Variants in DPH6 observed in about 807,000 individuals in gnomAD.
DPH6 encodes the protein diphthamine biosynthesis 6.
DPH6 carries 33 observed loss-of-function variants against 38.2 expected under a neutral mutation model. The observed-to-expected ratio is 0.86, with a 90% CI of 0.65 to 1.15. DPH6 has a LOEUF of 1.15. DPH6 is among the 50% of genes most tolerant of loss of function. DPH6 has a pLI of 0.00. For missense variants in DPH6, 325 were observed against 320.0 expected, an observed-to-expected ratio of 1.02 and a Z score of -0.12; for synonymous variants, 108 against 103.0, an observed-to-expected ratio of 1.05 and a Z score of -0.30.
At chr15:35,426,278 C>G (rs2053570177) in intron 5 of DPH6, among the ~76,000 whole-genome samples, 1 of 151,642 alleles carries the variant, frequency 6.6e-6, no homozygotes, top group Non-Finnish European at 1.5e-5. Flanking sequence ...ACAATTAACT[C>G]TACTTGAAAG....
intron 3 of DPH6, among the ~76,000 whole-genome samples, chr15:35,472,094 A>G (rs2054205824): frequency 6.6e-6 from 1 of 152,242 alleles, no homozygotes; most frequent in South Asian, 2.1e-4. Context: ...TATCTCTAAA[A>G]AATAGATAAA....
chr15:35,177,789 A>G, the DPH6 span, among the ~76,000 whole-genome samples: 1 of 151,864 alleles, frequency 6.6e-6, no homozygotes, highest in East Asian at 1.9e-4. Flanking sequence ...AAAAATACAA[A>G]AAATTAGCTG....
intron 3 of DPH6, among the ~76,000 whole-genome samples, chr15:35,527,132 A>C (rs1027427558): frequency 6.6e-6 from 1 of 152,126 alleles, no homozygotes; most frequent in Admixed American, 6.5e-5. Context: ...CACTCATCTC[A>C]ATGCCCACTT....
chr15:35,206,411 T>C, the DPH6 span, among the ~76,000 whole-genome samples: 2 of 152,138 alleles, frequency 1.3e-5, no homozygotes, highest in African/African-American at 4.8e-5. Flanking sequence ...GAGTAGAAAT[T>C]TATGCAAGAG....
At chr15:35,442,268 A>T (rs2141059792) in intron 5 of DPH6, among the ~76,000 whole-genome samples, 1 of 152,342 alleles carries the variant, frequency 6.6e-6, no homozygotes, top group East Asian at 1.9e-4. Flanking sequence ...CAATAAATGC[A>T]TGAGAAGATG....
At chr15:35,170,944 A>G in the DPH6 span, among the ~76,000 whole-genome samples, 1 of 152,230 alleles carries the variant, frequency 6.6e-6, no homozygotes, top group South Asian at 2.1e-4. Context: ...GCAGAAATTC[A>G]GCATTATAAT....
intron 3 of DPH6, among the ~76,000 whole-genome samples, chr15:35,504,928 T>G (rs531971728): frequency 7.3e-4 from 111 of 152,226 alleles, no homozygotes; most frequent in African/African-American, 2.5e-3. Flanking sequence ...TTAGGCCTAC[T>G]ACCAAGCCAC....
chr15:35,431,160 G>A (rs1215239352), intron 5 of DPH6, among the ~76,000 whole-genome samples: 4 of 152,056 alleles, frequency 2.6e-5, no homozygotes, highest in East Asian at 3.9e-4. Context: ...AGAAAAAGCG[G>A]CAAACGAAGG....
rs568792920 is a variant in DPH6, at chr15:35,292,210, T to C, written n.201-71628A>G. On this transcript the variant is annotated intron_variant and non_coding_transcript_variant, in intron 3 of 3. Coordinates refer to the DPH6 transcript ENST00000560386. ...ATTGCCATGCTAAAAATGTATTCTT[T>C]ATAGTTGTATCCAAAGTAAACACGC... Among the ~76,000 whole-genome samples the C allele has an allele frequency of 7.9e-5, 12 of 152,294 alleles. No individual in the cohort carries two copies. The South Asian group carries it at 2.3e-3, about 29-fold the overall frequency.
intron 1 of DPH6, among the ~76,000 whole-genome samples, chr15:35,543,802 T>C (rs536506670): frequency 3.9e-5 from 6 of 152,270 alleles, no homozygotes; most frequent in Non-Finnish European, 8.8e-5. Context: ...CATAAGTAGG[T>C]CTTCCACAAC....
In DPH6 at chr15:35,376,257, GAATA is replaced by G. The variant is rs1455161322; in HGVS notation, c.663-2653_663-2650del. Among the ~76,000 whole-genome samples the G allele has an allele frequency of 4.6e-5, 7 of 152,010 alleles. No individual in the cohort carries two copies. The East Asian group carries it at 9.7e-4, about 21-fold the overall frequency. ...GCCTAATATTCATTAGATATTTGTT[GAATA>G]AATGAATGTACAGTTAAACTTTGTT... On this transcript the variant is annotated intron_variant, in intron 7 of 8. Coordinates refer to ENST00000256538, the MANE Select transcript of DPH6 (RefSeq NM_080650.4).
In DPH6 at chr15:35,451,810, A is replaced by C. The variant is rs374354647; in HGVS notation, c.387-1007T>G. 3.9e-5 allele frequency among the ~76,000 whole-genome samples: 6 copies of C among 152,154 alleles called. No homozygotes were observed. The East Asian group carries it at 1.2e-3, about 29-fold the overall frequency. ...TGGATCACGAGGTCAGGAAATCGAG[A>C]CCATCCTGGCTAACACGGTGAAACC... On this transcript the variant is annotated intron_variant, in intron 4 of 8. Coordinates refer to ENST00000256538, the MANE Select transcript of DPH6 (RefSeq NM_080650.4).
At chr15:35,176,404 C>A in the DPH6 span, among the ~76,000 whole-genome samples, 4 of 151,764 alleles carry the variant, frequency 2.6e-5, no homozygotes, top group Non-Finnish European at 4.4e-5. Context: ...CCAGGCCTAA[C>A]TTTTATCTTT....
chr15:35,162,529 T>G, the DPH6 span, among the ~76,000 whole-genome samples: 4 of 151,860 alleles, frequency 2.6e-5, no homozygotes, highest in Non-Finnish European at 4.4e-5. Flanking sequence ...CAGGACTCAT[T>G]CCCTCACTTC....
chr15:35,478,237 C>G (rs1031665243), intron 3 of DPH6, among the ~76,000 whole-genome samples: 1 of 151,830 alleles, frequency 6.6e-6, no homozygotes, highest in African/African-American at 2.4e-5. Context: ...CTAAATACAA[C>G]TGCTTACCAC....
chr15:35,351,658 C>T (rs2052512011), intron 3 of DPH6, among the ~76,000 whole-genome samples: 1 of 151,588 alleles, frequency 6.6e-6, no homozygotes, highest in Non-Finnish European at 1.5e-5. Flanking sequence ...TCTTAGATTA[C>T]AGAAGTTACT....
intron 3 of DPH6, among the ~76,000 whole-genome samples, chr15:35,354,089 A>G (rs1473790878): frequency 2.0e-5 from 3 of 152,034 alleles, no homozygotes; most frequent in Non-Finnish European, 4.4e-5. Flanking sequence ...TTTGTCTATT[A>G]TTGGTGTATA....
At chr15:35,405,700 G>C (rs2053282956) in intron 6 of DPH6, among the ~76,000 whole-genome samples, 1 of 151,928 alleles carries the variant, frequency 6.6e-6, no homozygotes, top group South Asian at 2.1e-4. Context: ...TCTTTCTCTT[G>C]TCTGATTGCT....
At chr15:35,364,696 A>AT (rs558627174) in intron 3 of DPH6, among the ~76,000 whole-genome samples, 64 of 148,932 alleles carry the variant, frequency 4.3e-4, no homozygotes, top group African/African-American at 1.2e-3. Context: ...TTTGTTTTCA[A>AT]TTTTTTTTTT....
Sources: allele counts gnomAD v4.1 joint callset (sites outside exome capture counted in the v4.1 genomes callset), GRCh38; gene constraint gnomAD v4.1.1; transcripts MANE v1.5; gene names NCBI Gene and HGNC (gene_info 2026-07-23, HGNC 2026-07-21).